Variants in DSCAM observed in about 807,000 individuals in gnomAD.
DSCAM encodes DS cell adhesion molecule.
A neutral mutation model predicts 217.7 loss-of-function variants in DSCAM; 47 were observed. The observed-to-expected ratio is 0.22, with a 90% confidence interval of 0.17 to 0.28. The LOEUF (loss-of-function observed/expected upper bound fraction) is 0.28. DSCAM is among the 10% of genes least tolerant of loss of function. The probability of loss-of-function intolerance (pLI) is 1.00; values close to 1 mark genes in which losing one functional copy is unlikely to be tolerated. For missense variants in DSCAM, 2,080 were observed against 2,618.3 expected (o/e 0.79, Z 4.49); for synonymous variants, 1,056 against 1,015.3 (o/e 1.04, Z -0.76).
chr21:40,392,095 T>C (rs1402986825), intron 3 of DSCAM, among the ~76,000 whole-genome samples: 3 of 152,220 alleles, frequency 2.0e-5, no homozygotes, highest in Non-Finnish European at 2.9e-5. Context: ...TCCATGGTTA[T>C]TCTACATATC....
At chr21:40,836,833 C>A (rs1050112231) in intron 1 of DSCAM, among the ~76,000 whole-genome samples, 2 of 152,280 alleles carry the variant, frequency 1.3e-5, no homozygotes, top group South Asian at 2.1e-4. Flanking sequence ...ACTTGGGAGA[C>A]CCCAGTGGTG....
At position 40,637,236 on chromosome 21, in the gene DSCAM, A is replaced by T. The variant is rs5015214; in HGVS notation, c.508+55574T>A. 6.4e-3 allele frequency among the ~76,000 whole-genome samples: 26 copies of T among 4,088 alleles called. 2 individuals carry two copies. Among genetic ancestry groups the T allele is most frequent in the African/African-American group, 0.028 (10 of 362 alleles). The allele number at this position is 4,088 out of a possible 152,430, so 2.7% of individuals were successfully genotyped here. A position where few individuals can be genotyped will look rare whatever the true frequency, so the allele number is the denominator to read the frequency against. On this transcript the variant is annotated intron_variant, in intron 3 of 32. Transcript: ENST00000400454. ...ATATAAATATAAATATATATATATA[A>T]ATATAAATATATATATAAATATATA...
At chr21:40,448,273 T>C (rs1309453743) in intron 3 of DSCAM, among the ~76,000 whole-genome samples, 1 of 152,184 alleles carries the variant, frequency 6.6e-6, no homozygotes, top group Non-Finnish European at 1.5e-5. Flanking sequence ...CACCATCCAA[T>C]CCAATGAAGG....
chr21:40,790,389 C>A (rs1022104321), intron 1 of DSCAM, among the ~76,000 whole-genome samples: 2 of 152,042 alleles, frequency 1.3e-5, no homozygotes, highest in African/African-American at 4.8e-5. Flanking sequence ...GCCGTGTTGG[C>A]CAGGCAAACG....
At chr21:40,143,251 T>C (rs560899549) in intron 17 of DSCAM, among the ~76,000 whole-genome samples, 14 of 152,320 alleles carry the variant, frequency 9.2e-5, no homozygotes, top group East Asian at 1.9e-4. Context: ...CAGAAGAATA[T>C]TGAAAATATT....
intron 3 of DSCAM, among the ~76,000 whole-genome samples, chr21:40,462,764 C>T (rs2075816259): frequency 6.6e-6 from 1 of 152,080 alleles, no homozygotes; most frequent in South Asian, 2.1e-4. Context: ...ATCTTAATCC[C>T]TAGATGATTC....
intron 3 of DSCAM, among the ~76,000 whole-genome samples, chr21:40,413,241 G>T (rs1199274869): frequency 6.6e-6 from 1 of 152,314 alleles, no homozygotes; most frequent in Middle Eastern, 3.4e-3. Context: ...ACCTAGTAGA[G>T]CCAAAAGAAG....
At chr21:40,540,164 G>C (rs2146130206) in intron 3 of DSCAM, among the ~76,000 whole-genome samples, 1 of 152,150 alleles carries the variant, frequency 6.6e-6, no homozygotes, top group South Asian at 2.1e-4. Context: ...TCCTACATTT[G>C]ATGCCCGCTC....
At chr21:40,169,079 A>G (rs1277741792) in intron 15 of DSCAM, among the ~76,000 whole-genome samples, 1 of 152,180 alleles carries the variant, frequency 6.6e-6, no homozygotes, top group South Asian at 2.1e-4. Context: ...ACTTGAAGGA[A>G]TAATGAATGT....
intron 3 of DSCAM, among the ~76,000 whole-genome samples, chr21:40,520,242 A>T (rs952940560): frequency 6.6e-6 from 1 of 152,046 alleles, no homozygotes; most frequent in African/African-American, 2.4e-5. Flanking sequence ...ACTTGCTCTC[A>T]TTCTAGAGGC....
chr21:40,606,665 A>G (rs2089243028), intron 3 of DSCAM, among the ~76,000 whole-genome samples: 1 of 152,212 alleles, frequency 6.6e-6, no homozygotes, highest in Non-Finnish European at 1.5e-5. Flanking sequence ...GTAGCTGAGC[A>G]GCCCACTTCT....
At chr21:40,297,587 G>A (rs904816747) in intron 9 of DSCAM, among the ~76,000 whole-genome samples, 3 of 152,296 alleles carry the variant, frequency 2.0e-5, no homozygotes, top group Middle Eastern at 3.4e-3. Context: ...AGACTGAGAA[G>A]ATGGTTAGGG....
At chr21:40,339,621 T>G (rs1044041894) in intron 6 of DSCAM, among the ~76,000 whole-genome samples, 16 of 152,194 alleles carry the variant, frequency 1.1e-4, no homozygotes, top group Non-Finnish European at 4.4e-5. Flanking sequence ...CAAGCTTTCA[T>G]CAACTGTTTC....
chr21:40,384,704 G>A lies in DSCAM; in HGVS notation c.509-15459C>T, dbSNP rs1302458770. On this transcript the variant is annotated intron_variant, in intron 3 of 32. Coordinates refer to ENST00000400454, the MANE Select transcript of DSCAM (RefSeq NM_001389.5). ...GCCAGGACGGAAAGAGGCACAGGGA[G>A]CTCTGCTCAGTGTCGCTACAGGGGA... The A allele has an allele frequency of 2.6e-5, 4 of 152,632 alleles. No homozygotes were observed. The East Asian group carries it at 7.7e-4, about 29-fold the overall frequency. The allele number at this position is 152,632 out of a possible 1,614,324, so 9.5% of individuals were successfully genotyped here.
intron 9 of DSCAM, among the ~76,000 whole-genome samples, chr21:40,301,612 A>ATCTGGTACCACAGCGTTTATGACACTCG (rs1555901196): frequency 8.5e-6 from 1 of 117,316 alleles, no homozygotes; most frequent in African/African-American, 5.0e-5. Flanking sequence ...TATTACGCTC[A>ATCTGGTACCACAGCGTTTATGACACTCG]TCTGGTATTG....
chr21:40,307,386 C>G (rs2074090567), intron 9 of DSCAM, among the ~76,000 whole-genome samples: 1 of 152,142 alleles, frequency 6.6e-6, no homozygotes, highest in Non-Finnish European at 1.5e-5. Context: ...CAGTGAGATA[C>G]CATCTCACAC....
At chr21:40,270,272 T>C (rs2073597740) in intron 11 of DSCAM, among the ~76,000 whole-genome samples, 1 of 152,218 alleles carries the variant, frequency 6.6e-6, no homozygotes, top group Non-Finnish European at 1.5e-5. Context: ...GGACCAGAAG[T>C]GCAAAATCAA....
At chr21:40,341,164 T>C (rs1289813781) in intron 6 of DSCAM, among the ~76,000 whole-genome samples, 3 of 152,216 alleles carry the variant, frequency 2.0e-5, no homozygotes, top group Admixed American at 6.5e-5. Flanking sequence ...CTTTAAAATA[T>C]TAAAATGAAA....
chr21:40,291,778 A>G (rs567233234), intron 10 of DSCAM, among the ~76,000 whole-genome samples: 11 of 152,162 alleles, frequency 7.2e-5, no homozygotes, highest in Non-Finnish European at 1.6e-4. Context: ...CCCCCCAGGC[A>G]TGCTCTGACT....
Sources: gnomAD v4.1 joint callset for allele counts (sites outside exome capture counted in the v4.1 genomes callset) on GRCh38, gnomAD v4.1.1 for gene constraint, MANE v1.5 for transcripts, NCBI Gene and HGNC (gene_info 2026-07-23, HGNC 2026-07-21) for gene names.